FAM118B: variants seen among roughly 807,000 people sequenced by gnomAD.
FAM118B encodes protein FAM118B.
Under a neutral mutation model 38.5 loss-of-function variants are expected in FAM118B, and 24 were observed. The ratio of observed to expected loss-of-function variants is 0.62; its 90% CI spans 0.45 to 0.88. The LOEUF is 0.88. FAM118B is among the 40% of genes least tolerant of loss of function. The pLI is 0.00. For synonymous variants in FAM118B, 138 were observed against 156.3 expected (o/e 0.88, Z 0.87); for missense variants, 334 against 420.0 (o/e 0.80, Z 1.79).
intron 3 of FAM118B, among the ~76,000 whole-genome samples, chr11:126,239,617 T>A (rs1339841816): frequency 6.6e-6 from 1 of 152,094 alleles, no homozygotes; most frequent in Non-Finnish European, 1.5e-5. Context: ...ATACAGGTTT[T>A]CCTTTCCTGC....
rs1282963752 is a variant in FAM118B, at chr11:126,244,073, GC to G, written c.339+3030del. Among the ~76,000 whole-genome samples, 7 of 151,884 alleles carry G rather than the reference GC, an allele frequency of 4.6e-5. No individual in the cohort carries two copies. The highest frequency in any genetic ancestry group is 1.0e-4 in the Non-Finnish European group (7 of 67,974). Reference sequence around the variant, plus strand: ...ACACTCTACAAATGAAGGAATAATAGCAAACAATAGAAGGTAACTACCTCAA... The same window carrying G: ...ACACTCTACAAATGAAGGAATAATAGAAACAATAGAAGGTAACTACCTCAA... On this transcript the variant is annotated intron_variant, in intron 4 of 8. Coordinates refer to ENST00000533050, the MANE Select transcript of FAM118B (RefSeq NM_024556.4). This position sits in a 1 kb window ranked among gnomAD's most constrained non-coding sequence, Gnocchi z 4.5.
intron 1 of FAM118B, among the ~76,000 whole-genome samples, chr11:126,216,258 C>T (rs939785252): frequency 4.6e-5 from 7 of 151,890 alleles, no homozygotes; most frequent in African/African-American, 1.7e-4. Context: ...TGCCTGTAAT[C>T]CCAGCTACTT....
In FAM118B at chr11:126,250,452, A is replaced by T. The variant is rs1950487024; in HGVS notation, c.340-54A>T. On this transcript the variant is annotated intron_variant, in intron 4 of 8. Coordinates refer to ENST00000533050, the MANE Select transcript of FAM118B (RefSeq NM_024556.4). This position sits in a 1 kb window ranked among gnomAD's most constrained non-coding sequence, Gnocchi z 5.1. ...ATTTGTTACTGCTGTAACTAAAACA[A>T]CTGACCTACCAAAGCACTTTGGACT... 2.4e-6 allele frequency: 3 copies of T among 1,268,966 alleles called. No homozygotes were observed. The highest frequency in any genetic ancestry group is 3.4e-6 in the Non-Finnish European group (3 of 880,334). 78.6% of individuals were successfully genotyped at this position (1,268,966 alleles called of 1,614,324 possible). A position where few individuals can be genotyped will look rare whatever the true frequency, so the allele number is the denominator to read the frequency against.
intron 1 of FAM118B, among the ~76,000 whole-genome samples, chr11:126,223,948 A>G (rs1252660421): frequency 6.6e-6 from 1 of 152,248 alleles, no homozygotes; most frequent in African/African-American, 2.4e-5. Context: ...TTATTTGTGT[A>G]CACAGTTTTC....
At position 126,252,096 on chromosome 11, in the gene FAM118B, C is replaced by T. The variant is rs1027040719; in HGVS notation, c.567+1363C>T. Among the ~76,000 whole-genome samples the T allele has an allele frequency of 6.6e-6, 1 of 152,164 alleles. No individual in the cohort carries two copies. On this transcript the variant is annotated intron_variant, in intron 5 of 8. Coordinates refer to ENST00000533050, the MANE Select transcript of FAM118B (RefSeq NM_024556.4). The surrounding 1 kb of genome is among the most constrained non-coding windows in gnomAD (Gnocchi z 4.7). ...CCTCCTCCTGGGTTCAAGCGATTCT[C>T]CTGCCTCAGCGTCCCGAATAGCTGG...
At chr11:126,257,623 G>A (rs934281864) in intron 7 of FAM118B, among the ~76,000 whole-genome samples, 1 of 141,774 alleles carries the variant, frequency 7.1e-6, no homozygotes, top group African/African-American at 2.6e-5. Context: ...TTTTTTTTTG[G>A]TGCGTGTAGA....
intron 4 of FAM118B, among the ~76,000 whole-genome samples, chr11:126,249,951 C>T (rs1257758515): frequency 6.6e-6 from 1 of 152,034 alleles, no homozygotes; most frequent in Non-Finnish European, 1.5e-5. Flanking sequence ...TTATTTTCTT[C>T]ATTCTATAAA....
intron 7 of FAM118B, among the ~76,000 whole-genome samples, chr11:126,258,001 G>T (rs1448602195): frequency 1.3e-5 from 2 of 152,156 alleles, no homozygotes; most frequent in African/African-American, 4.8e-5. Flanking sequence ...TCCAGAGTAT[G>T]GCTAGTGTGA....
intron 2 of FAM118B, among the ~76,000 whole-genome samples, chr11:126,230,279 C>G (rs1212718184): frequency 6.6e-6 from 1 of 152,224 alleles, no homozygotes; most frequent in East Asian, 1.9e-4. Context: ...TCACTACTGA[C>G]AAGCTTGTTG....
chr11:126,254,267 C>G, intron 5 of FAM118B, 38 bp from the exon 6 acceptor site: 1 of 1,603,392 alleles, frequency 6.2e-7, no homozygotes, highest in Non-Finnish European at 8.5e-7. Flanking sequence ...AGGTGCTCAG[C>G]CCTGCCAAGC....
chr11:126,231,635 T>G (rs565428634), intron 2 of FAM118B, among the ~76,000 whole-genome samples: 1 of 152,296 alleles, frequency 6.6e-6, no homozygotes, highest in Admixed American at 6.5e-5. Context: ...ACATTCTCAG[T>G]CAGAAGCGAT....
At chr11:126,236,910 A>T in intron 3 of FAM118B, among the ~76,000 whole-genome samples, 2 of 117,284 alleles carry the variant, frequency 1.7e-5, no homozygotes, top group African/African-American at 3.3e-5. Context: ...TTTATGTTTC[A>T]CAGATGCTTT....
At chr11:126,247,843 T>A (rs1309547897) in intron 4 of FAM118B, among the ~76,000 whole-genome samples, 2 of 133,596 alleles carry the variant, frequency 1.5e-5, no homozygotes, top group South Asian at 2.5e-4. Context: ...GGGTGACAGA[T>A]CGAGACTCCA....
intron 4 of FAM118B, among the ~76,000 whole-genome samples, chr11:126,248,358 CTT>C (rs1167017613): frequency 5.4e-5 from 2 of 36,964 alleles, no homozygotes; most frequent in African/African-American, 2.5e-4. Context: ...TAGTAGTTGA[CTT>C]TTTTTTTTTT....
chr11:126,244,144 A>G lies in FAM118B; in HGVS notation c.339+3100A>G, dbSNP rs971640681. On this transcript the variant is annotated intron_variant, in intron 4 of 8. Coordinates refer to ENST00000533050, the MANE Select transcript of FAM118B (RefSeq NM_024556.4). This position sits in a 1 kb window ranked among gnomAD's most constrained non-coding sequence, Gnocchi z 4.5. Reference sequence around the variant, plus strand: ...GAAAAACTCACAGTTAACATATTTAATGGTGAAAGACTGGATTTTTTCCAC... The same window carrying G: ...GAAAAACTCACAGTTAACATATTTAGTGGTGAAAGACTGGATTTTTTCCAC... Among the ~76,000 whole-genome samples the G allele has an allele frequency of 6.6e-6, 1 of 152,214 alleles. No homozygotes were observed. Among genetic ancestry groups the G allele is most frequent in the African/African-American group, 2.4e-5 (1 of 41,460 alleles).
chr11:126,231,145 A>C (rs1950201570), intron 2 of FAM118B, among the ~76,000 whole-genome samples: 1 of 152,092 alleles, frequency 6.6e-6, no homozygotes, highest in African/African-American at 2.4e-5. Flanking sequence ...TCTTTTACCA[A>C]GTATCTGACT....
At position 126,256,256 on chromosome 11, in the gene FAM118B, A is replaced by T. The variant is rs1482499921; in HGVS notation, c.697-311A>T. On this transcript the variant is annotated intron_variant, in intron 6 of 8. Transcript: ENST00000533050. This position sits in a 1 kb window ranked among gnomAD's most constrained non-coding sequence, Gnocchi z 6.6. ...ACTCTAGCCCAGGTGAAAGAGTGAG[A>T]CTCCGTCTCAAAAAATATATAAAGC... 1.3e-5 allele frequency among the ~76,000 whole-genome samples: 2 copies of T among 152,166 alleles called. No individual in the cohort carries two copies. The highest frequency in any genetic ancestry group is 2.9e-5 in the Non-Finnish European group (2 of 68,034).
At chr11:126,245,722 C>T (rs1053590190) in intron 4 of FAM118B, among the ~76,000 whole-genome samples, 14 of 151,936 alleles carry the variant, frequency 9.2e-5, no homozygotes, top group African/African-American at 2.7e-4. Context: ...TGAGGCCGAG[C>T]GCAGTGGCTA....
chr11:126,234,737 G>A (rs1950249856), intron 2 of FAM118B, among the ~76,000 whole-genome samples: 1 of 152,138 alleles, frequency 6.6e-6, no homozygotes, highest in African/African-American at 2.4e-5. Context: ...GAACTTGGGG[G>A]CAGGCCTTCA....
Sources: allele counts gnomAD v4.1 joint callset (sites outside exome capture counted in the v4.1 genomes callset), GRCh38; gene constraint gnomAD v4.1.1; non-coding constraint Gnocchi (gnomAD v3.1); transcripts MANE v1.5; gene names NCBI Gene and HGNC (gene_info 2026-07-23, HGNC 2026-07-21).